FBN1: variants seen among roughly 807,000 people sequenced by gnomAD.
The protein encoded by FBN1 is fibrillin-1.
FBN1 carries 29 observed loss-of-function variants against 365.1 expected under a neutral mutation model. The ratio of observed to expected loss-of-function variants is 0.08; its 90% CI spans 0.06 to 0.11. The LOEUF (loss-of-function observed/expected upper bound fraction) is 0.11. FBN1 is among the 10% of genes least tolerant of loss of function. The pLI is 1.00. For missense variants in FBN1, 2,476 were observed against 3,703.2 expected, an observed-to-expected ratio of 0.67 and a Z score of 8.60; for synonymous variants, 1,210 against 1,270.5, an observed-to-expected ratio of 0.95 and a Z score of 1.01.
intron 56 of FBN1, among the ~76,000 whole-genome samples, chr15:48,430,290 G>A (rs935591071): frequency 6.6e-6 from 1 of 152,192 alleles, no homozygotes; most frequent in African/African-American, 2.4e-5. Flanking sequence ...AGATATTCCT[G>A]ATTCAGAGGT....
intron 9 of FBN1, among the ~76,000 whole-genome samples, chr15:48,522,301 A>G (rs2043865073): frequency 6.6e-6 from 1 of 152,072 alleles, no homozygotes; most frequent in Non-Finnish European, 1.5e-5. Context: ...TATTGTGTAT[A>G]ATAAATTAAT....
intron 65 of FBN1, 52 bp from the exon 66 acceptor site, chr15:48,411,431 C>T (rs776189083): frequency 3.2e-6 from 5 of 1,550,464 alleles, no homozygotes; most frequent in Non-Finnish European, 4.4e-6. Context: ...TGCCACTTAG[C>T]TCTCATATTA....
intron 56 of FBN1, 129 bp downstream of exon 56, chr15:48,430,542 C>T: frequency 1.0e-6 from 1 of 1,004,776 alleles, no homozygotes; most frequent in Non-Finnish European, 1.6e-6. Flanking sequence ...ATGGAGAGTC[C>T]TGACATGCGG....
intron 56 of FBN1, among the ~76,000 whole-genome samples, 196 bp from the exon 57 acceptor site, chr15:48,428,667 G>A (rs575875276): frequency 1.4e-5 from 2 of 147,992 alleles, no homozygotes; most frequent in Non-Finnish European, 3.0e-5. Context: ...CTTAGCTTTT[G>A]AATCACTAAT....
At chr15:48,540,033 C>T (rs1405207011) in intron 6 of FBN1, among the ~76,000 whole-genome samples, 4 of 152,190 alleles carry the variant, frequency 2.6e-5, no homozygotes, top group Non-Finnish European at 4.4e-5. Flanking sequence ...TCACTCAGCA[C>T]TGCAGTAATT....
At chr15:48,533,401 G>C (rs563474823) in intron 8 of FBN1, among the ~76,000 whole-genome samples, 1 of 152,172 alleles carries the variant, frequency 6.6e-6, no homozygotes, top group African/African-American at 2.4e-5. Flanking sequence ...CTCTCACGAA[G>C]AAATTATGAC....
At chr15:48,511,742 G>T (rs888851565) in intron 13 of FBN1, among the ~76,000 whole-genome samples, 4 of 152,186 alleles carry the variant, frequency 2.6e-5, no homozygotes, top group African/African-American at 7.2e-5. Flanking sequence ...CTTAGTGCTA[G>T]CTCTTAAAGA....
At chr15:48,435,955 T>C (rs1014135174) in intron 53 of FBN1, among the ~76,000 whole-genome samples, 3 of 152,038 alleles carry the variant, frequency 2.0e-5, no homozygotes, top group Admixed American at 6.6e-5. Flanking sequence ...AGAAGAGTAA[T>C]GGCTCTTGTC....
chr15:48,603,850 G>A (rs543297240), intron 4 of FBN1, among the ~76,000 whole-genome samples: 31 of 152,324 alleles, frequency 2.0e-4, no homozygotes, highest in Non-Finnish European at 3.4e-4. Flanking sequence ...GTGAGGACCT[G>A]CCCTTGAAGA....
chr15:48,463,510 C>T (rs999754490), intron 41 of FBN1, among the ~76,000 whole-genome samples: 10 of 152,172 alleles, frequency 6.6e-5, no homozygotes, highest in Non-Finnish European at 1.0e-4. Context: ...CTTTAAATGA[C>T]TCTCTGCCCA....
rs758366498 is a variant in FBN1 at position 48,488,392 on chromosome 15, C to T, written c.3184G>A (p.Asp1062Asn). Reference sequence around the variant, plus strand: ...CCTGTGCAGTTCCTTTCTTCAGAATCAAGAGCAAAGCCGCTGTCACACCTG... The same window carrying T: ...CCTGTGCAGTTCCTTTCTTCAGAATTAAGAGCAAAGCCGCTGTCACACCTG... ...KCRCDSGFAL[D>N]SEERNCTDID... Residue 1062 changes from aspartate (D) to asparagine (N), a missense_variant, in exon 26 of 66, where the codon GAT becomes AAT. This residue lies in a region of FBN1 where 1,780 missense variants were observed against 2,840.8 expected (regional missense o/e 0.63). Transcript: ENST00000316623. The T allele has an allele frequency of 3.7e-6, 6 of 1,614,100 alleles. No homozygotes were observed. The highest frequency in any genetic ancestry group is 5.1e-6 in the Non-Finnish European group (6 of 1,180,046).
rs149442577 is a variant in FBN1 at position 48,625,013 on chromosome 15, C to G, written c.165-11921G>C. 7.2e-3 allele frequency among the ~76,000 whole-genome samples: 1,091 copies of G among 152,282 alleles called. 14 individuals are homozygous for G. Among genetic ancestry groups the G allele is most frequent in the African/African-American group, 0.025 (1,057 of 41,548 alleles). On this transcript the variant is annotated intron_variant, in intron 2 of 65. Coordinates refer to ENST00000316623, the MANE Select transcript of FBN1 (RefSeq NM_000138.5). ...ATGTACTGGCAGCCCCAGGAAGAGA[C>G]AGGAAAATCAGCCAATGGGGTCAGA...
Position 48,425,791 on chromosome 15 carries a change from A to G in FBN1, c.7278T>C (p.His2426=), listed in dbSNP as rs1034772656. Residue 2426 remains histidine (H), a synonymous_variant, in exon 59 of 66, where the codon CAT becomes CAC. Transcript: ENST00000316623. ...GAGTGTACCCAGTTTTACAAATGCAATGATATGATCCTCTGTCATTGACAC... is the reference window on the plus strand; with the variant it reads ...GAGTGTACCCAGTTTTACAAATGCAGTGATATGATCCTCTGTCATTGACAC... ...GECVNDRGSY[H]CICKTGYTPD... 1 of 1,613,262 alleles carries G rather than the reference A, an allele frequency of 6.2e-7. No homozygotes were observed. The highest frequency in any genetic ancestry group is 8.5e-7 in the Non-Finnish European group (1 of 1,179,244).
At chr15:48,547,844 A>C (rs1180103964) in intron 6 of FBN1, among the ~76,000 whole-genome samples, 1 of 151,880 alleles carries the variant, frequency 6.6e-6, no homozygotes, top group Admixed American at 6.6e-5. Flanking sequence ...TTGGAAGAAA[A>C]TGTCTGATGA....
At chr15:48,547,932 T>G (rs2044108699) in intron 6 of FBN1, among the ~76,000 whole-genome samples, 1 of 151,996 alleles carries the variant, frequency 6.6e-6, no homozygotes, top group African/African-American at 2.4e-5. Context: ...TGGAAGAAAG[T>G]ACAAGCATTA....
intron 2 of FBN1, among the ~76,000 whole-genome samples, chr15:48,627,617 G>A (rs115959015): frequency 1.3e-3 from 202 of 151,766 alleles, no homozygotes; most frequent in African/African-American, 4.4e-3. Context: ...CGAAGGCCTG[G>A]GTGATCCAGA....
At chr15:48,529,626 A>G (rs2141347633) in intron 8 of FBN1, 1 of 152,242 alleles carries the variant, frequency 6.6e-6, no homozygotes, top group Middle Eastern at 3.4e-3. Flanking sequence ...TACTAATACA[A>G]TGAGAGAAAA....
intron 30 of FBN1, among the ~76,000 whole-genome samples, chr15:48,484,382 T>G (rs1014782345): frequency 1.2e-4 from 18 of 152,048 alleles, no homozygotes; most frequent in Middle Eastern, 3.4e-3. Flanking sequence ...ACAATTTTTT[T>G]TTTTTTTTGA....
intron 45 of FBN1, 60 bp downstream of exon 45, chr15:48,452,502 T>A: frequency 6.3e-7 from 1 of 1,597,920 alleles, no homozygotes; most frequent in South Asian, 1.1e-5. Context: ...TCCAGATATC[T>A]GAAGCTTCAT....
Sources: gnomAD v4.1 joint callset for allele counts (sites outside exome capture counted in the v4.1 genomes callset) on GRCh38, gnomAD v4.1.1 for gene constraint, gnomAD v4.1.1 regional missense constraint, MANE v1.5 for transcripts, NCBI Gene and HGNC (gene_info 2026-07-23, HGNC 2026-07-21) for gene names.